The following MYO18B variants were observed in gnomAD, a reference collection of about 807,000 sequenced individuals.
The protein encoded by MYO18B is unconventional myosin-XVIIIb.
Under a neutral mutation model 273.0 loss-of-function variants are expected in MYO18B, and 204 were observed. The observed-to-expected ratio is 0.75, with a 90% CI of 0.67 to 0.84. MYO18B has a LOEUF of 0.84. Ranked by LOEUF, MYO18B falls within the 40% of genes least tolerant of loss-of-function variation. The probability of loss-of-function intolerance (pLI) is 0.00; values close to 1 mark genes in which losing one functional copy is unlikely to be tolerated. For synonymous variants in MYO18B, 1,330 were observed against 1,305.7 expected, an observed-to-expected ratio of 1.02 and a Z score of -0.40; for missense variants, 3,212 against 3,287.6, an observed-to-expected ratio of 0.98 and a Z score of 0.56.
rs544603306 is a variant in MYO18B, at chr22:25,828,801, A to G, written c.2812A>G (p.Met938Val). The G allele has an allele frequency of 1.7e-5, 27 of 1,613,610 alleles. No homozygotes were observed. In the South Asian group the frequency reaches 2.0e-4, roughly 12 times the overall value. The change falls in exon 15 of 44, where the codon ATG (methionine) becomes GTG (valine). Residue 938 changes from methionine to valine, a missense_variant. Coordinates refer to ENST00000335473, the MANE Select transcript of MYO18B (RefSeq NM_032608.7). The part of the protein sequence containing the change: ...NRSFSSHHLS[M>V]ASIMVVDSPG... The stretch of plus-strand genomic sequence containing the variant: ...ATCCTTTTCCTCCCACCATCTCTCC[A>G]TGGCCTCCATCATGGTGGTGGACTC...
intron 12 of MYO18B, among the ~76,000 whole-genome samples, chr22:25,809,438 T>C (rs1351283025): frequency 3.3e-5 from 5 of 152,210 alleles, no homozygotes; most frequent in Admixed American, 6.5e-5. Context: ...TGGTTTCCTT[T>C]TTCTCTGAAG....
chr22:25,863,217 A>G (rs2090791096), intron 21 of MYO18B, among the ~76,000 whole-genome samples: 1 of 152,202 alleles, frequency 6.6e-6, no homozygotes, highest in Non-Finnish European at 1.5e-5. Context: ...AGGAGTCATT[A>G]TTATTACACT....
At chr22:25,989,803 C>G (rs566314677) in intron 39 of MYO18B, among the ~76,000 whole-genome samples, 1 of 148,686 alleles carries the variant, frequency 6.7e-6, no homozygotes, top group African/African-American at 2.5e-5. Flanking sequence ...GGAGCCTGGG[C>G]AGATGCTCCC....
intron 29 of MYO18B, chr22:25,899,900 T>C (rs1364762007): frequency 6.6e-6 from 1 of 152,054 alleles, no homozygotes; most frequent in African/African-American, 2.4e-5. Flanking sequence ...AAACAAGAGG[T>C]TGGGACTCCA....
In MYO18B at chr22:25,843,341, A is replaced by G. The variant is rs541422275; in HGVS notation, c.3209-394A>G. ...TTTCCATGCATATCAGAAAATAAAC[A>G]TATCTTGCACATCAAATCGGCAATA... On this transcript the variant is annotated intron_variant, in intron 17 of 43. Transcript: ENST00000335473. 5.3e-5 allele frequency among the ~76,000 whole-genome samples: 8 copies of G among 152,350 alleles called. No individual in the cohort carries two copies. The East Asian group carries it at 5.8e-4, about 11-fold the overall frequency.
chr22:25,979,092 A>G (rs867348800), intron 39 of MYO18B, among the ~76,000 whole-genome samples: 4 of 152,340 alleles, frequency 2.6e-5, no homozygotes, highest in Middle Eastern at 3.4e-3. Context: ...TAAGCTATAA[A>G]TTGTTCCCAC....
rs567494325 is a variant in MYO18B at position 25,890,889 on chromosome 22, G to A, written c.4434+14G>A. Reference sequence around the variant, plus strand: ...CAGGAGCTCAAGGTGAGTGGTCAGGGGTGGCCAGGGGTGGCTGAACACGGT... The same window carrying A: ...CAGGAGCTCAAGGTGAGTGGTCAGGAGTGGCCAGGGGTGGCTGAACACGGT... On this transcript the variant is annotated intron_variant, in intron 26 of 43. Coordinates refer to ENST00000335473, the MANE Select transcript of MYO18B (RefSeq NM_032608.7). The A allele has an allele frequency of 6.7e-7, 1 of 1,499,666 alleles. No individual in the cohort carries two copies. The highest frequency in any genetic ancestry group is 2.2e-5 in the East Asian group (1 of 44,810). 92.9% of individuals were successfully genotyped at this position (1,499,666 alleles called of 1,614,324 possible).
At chr22:25,830,931 C>G (rs143160555) in intron 15 of MYO18B, among the ~76,000 whole-genome samples, 1 of 152,296 alleles carries the variant, frequency 6.6e-6, no homozygotes, top group African/African-American at 2.4e-5. Flanking sequence ...AGTGTAACAG[C>G]TATTTTATTT....
rs981836540 is a variant in MYO18B, at chr22:25,836,157, C to G, written c.3208+714C>G. On this transcript the variant is annotated intron_variant, in intron 17 of 43. Transcript: ENST00000335473. ...AAGAGGGGAGATGAAGGCGTGAAACCAGAACAAAGTGATCATGAGATTTGG... is the reference window on the plus strand; with the variant it reads ...AAGAGGGGAGATGAAGGCGTGAAACGAGAACAAAGTGATCATGAGATTTGG... Among the ~76,000 whole-genome samples, 4 of 152,094 alleles carry G rather than the reference C, an allele frequency of 2.6e-5. No individual in the cohort carries two copies. In the East Asian group the frequency reaches 7.7e-4, roughly 29 times the overall value.
chr22:26,048,945 G>A, the MYO18B span, among the ~76,000 whole-genome samples: 1 of 152,024 alleles, frequency 6.6e-6, no homozygotes, highest in African/African-American at 2.4e-5. Flanking sequence ...CCACAACCTC[G>A]CCAACACTAT....
At chr22:25,754,669 G>A (rs1189913484) in intron 1 of MYO18B, among the ~76,000 whole-genome samples, 3 of 152,206 alleles carry the variant, frequency 2.0e-5, no homozygotes, top group South Asian at 2.1e-4. Flanking sequence ...GCAGGTGTAT[G>A]TTTTGGGCCC....
intron 42 of MYO18B, among the ~76,000 whole-genome samples, chr22:26,019,071 A>G (rs1486710377): frequency 6.6e-6 from 1 of 152,124 alleles, no homozygotes; most frequent in Non-Finnish European, 1.5e-5. Context: ...AATTTCTTGC[A>G]TTGCTGACCC....
In MYO18B at chr22:25,911,038, C is replaced by T. The variant is rs973264943; in HGVS notation, c.5352C>T (p.Thr1784=). The change falls in exon 33 of 44, where the codon ACC becomes ACT. Residue 1784 remains threonine, a synonymous_variant. Transcript: ENST00000335473. ...AAGATTTGGAAGGCTTGATCGGAAC[C>T]CTCTGTGACCAGGTAAGGGGGAGAC... The part of the protein sequence containing the change: ...EKQDLEGLIG[T]LCDQIGHRDF... The T allele has an allele frequency of 1.2e-6, 2 of 1,602,876 alleles. No individual in the cohort carries two copies. Among genetic ancestry groups the T allele is most frequent in the South Asian group, 2.3e-5 (2 of 88,238 alleles).
intron 23 of MYO18B, among the ~76,000 whole-genome samples, chr22:25,875,288 A>G (rs569593673): frequency 6.6e-6 from 1 of 152,208 alleles, no homozygotes; most frequent in Non-Finnish European, 1.5e-5. Context: ...TGGGCATGTG[A>G]CTTTACCTCT....
chr22:25,948,442 C>T lies in MYO18B; in HGVS notation c.5748+614C>T, dbSNP rs2092745013. Among the ~76,000 whole-genome samples the T allele has an allele frequency of 3.4e-5, 4 of 118,896 alleles. 1 individual carries two copies. The highest frequency in any genetic ancestry group is 5.1e-4 in the East Asian group (2 of 3,918). 78.0% of individuals were successfully genotyped at this position (118,896 alleles called of 152,430 possible). A position where few individuals can be genotyped will look rare whatever the true frequency, so the allele number is the denominator to read the frequency against. On this transcript the variant is annotated intron_variant, in intron 36 of 43. Transcript: ENST00000335473. Reference sequence around the variant, plus strand: ...TCCTTCCTTCCTTCCTTCCTTCCTTCCTTCCTTCCTTCCTTCCTTCTTTCT... The same window carrying T: ...TCCTTCCTTCCTTCCTTCCTTCCTTTCTTCCTTCCTTCCTTCCTTCTTTCT...
intron 39 of MYO18B, among the ~76,000 whole-genome samples, chr22:25,989,280 G>T (rs1257718781): frequency 1.3e-5 from 2 of 152,110 alleles, no homozygotes; most frequent in Admixed American, 1.3e-4. Flanking sequence ...CCTCAGACAG[G>T]TCATTTGGTT....
intron 38 of MYO18B, among the ~76,000 whole-genome samples, chr22:25,954,736 G>A (rs2092828827): frequency 6.6e-6 from 1 of 152,086 alleles, no homozygotes; most frequent in Non-Finnish European, 1.5e-5. Context: ...TTTCGAGACA[G>A]GGTCTCTCTC....
chr22:25,770,794 C>A, intron 5 of MYO18B, 78 bp from the exon 6 acceptor site: 1 of 1,036,716 alleles, frequency 9.6e-7, no homozygotes, highest in Non-Finnish European at 1.5e-6. Context: ...CCTCTCTTAT[C>A]TCCTGCCCTC....
chr22:25,988,977 C>T (rs1389009881), intron 39 of MYO18B, among the ~76,000 whole-genome samples: 1 of 152,162 alleles, frequency 6.6e-6, no homozygotes, highest in Non-Finnish European at 1.5e-5. Flanking sequence ...TCATTTTAGA[C>T]TCCTATTTCT....
Sources: gnomAD v4.1 joint callset for allele counts (sites outside exome capture counted in the v4.1 genomes callset) on GRCh38, gnomAD v4.1.1 for gene constraint, MANE v1.5 for transcripts, NCBI Gene and HGNC (gene_info 2026-07-23, HGNC 2026-07-21) for gene names.